The following SLC2A1 variants were observed in gnomAD, a reference collection of about 807,000 sequenced individuals.
SLC2A1 encodes the protein solute carrier family 2 member 1, also known as solute carrier family 2, facilitated glucose transporter member 1.
In SLC2A1, 4 loss-of-function variants were observed where a neutral mutation model predicts 46.6. The observed-to-expected ratio is 0.09, with a 90% confidence interval of 0.04 to 0.20. The LOEUF is 0.20. Among genes scored for constraint, SLC2A1 ranks in the 10% least tolerant of loss-of-function variants. SLC2A1 has a pLI of 1.00. For missense variants in SLC2A1, 352 were observed against 667.0 expected (o/e 0.53, Z 5.20); for synonymous variants, 253 against 270.0 (o/e 0.94, Z 0.62).
At chr1:42,951,312 A>T (rs1435520619) in intron 1 of SLC2A1, among the ~76,000 whole-genome samples, 1 of 152,186 alleles carries the variant, frequency 6.6e-6, no homozygotes, top group Non-Finnish European at 1.5e-5. Context: ...TGTGTTTCAC[A>T]TAACATGTAT....
Position 42,930,175 on chromosome 1 carries a change from GC to G in SLC2A1, c.517-141del. ...TCTAGAGGCTCTGCCACTAGCATGA[GC>G]CCTGTTTCTCAGTTTCCTCATCGGT... On this transcript the variant is annotated intron_variant, in intron 4 of 9. Transcript: ENST00000426263. The surrounding 1 kb of genome is among the most constrained non-coding windows in gnomAD (Gnocchi z 6.2). The G allele has an allele frequency of 1.1e-6, 1 of 924,362 alleles. No individual in the cohort carries two copies. Among genetic ancestry groups the G allele is most frequent in the Non-Finnish European group, 1.7e-6 (1 of 586,696 alleles). The allele number at this position is 924,362 out of a possible 1,614,324, so 57.3% of individuals were successfully genotyped here. A position where few individuals can be genotyped will look rare whatever the true frequency, so the allele number is the denominator to read the frequency against.
At chr1:42,934,998 G>A (rs1232561318) in intron 2 of SLC2A1, among the ~76,000 whole-genome samples, 1 of 152,096 alleles carries the variant, frequency 6.6e-6, no homozygotes, top group Non-Finnish European at 1.5e-5. Flanking sequence ...CACACCAAAT[G>A]TGCCAGGCTC....
chr1:42,940,353 C>T (rs1045970902), intron 2 of SLC2A1, among the ~76,000 whole-genome samples: 10 of 152,210 alleles, frequency 6.6e-5, no homozygotes, highest in Admixed American at 3.9e-4. Context: ...CAGTTCAACC[C>T]CTGGGGTACC....
chr1:42,952,591 C>T (rs545997749), intron 1 of SLC2A1: 5 of 314,618 alleles, frequency 1.6e-5, no homozygotes, highest in Non-Finnish European at 3.2e-5. Context: ...GGAGGCAAGG[C>T]GAGCCCAGAG....
chr1:42,946,386 G>A (rs1419611117), intron 1 of SLC2A1, among the ~76,000 whole-genome samples: 1 of 152,184 alleles, frequency 6.6e-6, no homozygotes, highest in Non-Finnish European at 1.5e-5. Flanking sequence ...GGATGAAACT[G>A]GACCCAGTCC....
intron 1 of SLC2A1, among the ~76,000 whole-genome samples, chr1:42,956,534 G>C (rs1026025697): frequency 4.0e-5 from 6 of 151,810 alleles, no homozygotes; most frequent in African/African-American, 1.2e-4. Context: ...GCAGGGAGTT[G>C]AGATCGCGCC....
chr1:42,945,151 T>A (rs1421956311), intron 1 of SLC2A1, among the ~76,000 whole-genome samples: 1 of 151,968 alleles, frequency 6.6e-6, no homozygotes, highest in Non-Finnish European at 1.5e-5. Context: ...GCCTGCGGTA[T>A]TACCTGCATT....
At position 42,954,571 on chromosome 1, in the gene SLC2A1, T is replaced by C. The variant is rs756012062; in HGVS notation, c.18+4063A>G. Reference sequence around the variant, plus strand: ...GCTCCATAGAACGCCTCAAATCTTTTGTGATAGCCTTATCTCGGACAAATC... The same window carrying C: ...GCTCCATAGAACGCCTCAAATCTTTCGTGATAGCCTTATCTCGGACAAATC... On this transcript the variant is annotated intron_variant, in intron 1 of 9. Coordinates refer to ENST00000426263, the MANE Select transcript of SLC2A1 (RefSeq NM_006516.4). This position sits in a 1 kb window ranked among gnomAD's most constrained non-coding sequence, Gnocchi z 4.2. Among the ~76,000 whole-genome samples, 1 of 152,164 alleles carries C rather than the reference T, an allele frequency of 6.6e-6. No homozygotes were observed. The highest frequency in any genetic ancestry group is 1.5e-5 in the Non-Finnish European group (1 of 68,030).
At position 42,951,551 on chromosome 1, in the gene SLC2A1, G is replaced by A. The variant is rs553131193; in HGVS notation, c.18+7083C>T. 4 of 299,314 alleles carry A rather than the reference G, an allele frequency of 1.3e-5. 1 individual carries two copies. The highest frequency in any genetic ancestry group is 4.3e-5 in the African/African-American group (2 of 46,514). The allele number at this position is 299,314 out of a possible 1,614,324, so 18.5% of individuals were successfully genotyped here. A position where few individuals can be genotyped will look rare whatever the true frequency, so the allele number is the denominator to read the frequency against. On this transcript the variant is annotated intron_variant, in intron 1 of 9. Transcript: ENST00000426263. Reference sequence around the variant, plus strand: ...CAACTACACAAATATTCTATTTATAGGCATGTATCTACACATGCACAAAGA... The same window carrying A: ...CAACTACACAAATATTCTATTTATAAGCATGTATCTACACATGCACAAAGA...
rs763241827 is a variant in SLC2A1 at position 42,928,982 on chromosome 1, C to T, written c.1024G>A (p.Ala342Thr). The change falls in exon 8 of 10, where the codon GCT becomes ACT. Residue 342 changes from alanine (A) to threonine (T), a missense_variant. By Grantham distance (58) the Ala-to-Thr change is moderately conservative (BLOSUM62 0). This residue lies in a region of SLC2A1 where 167 missense variants were observed against 280.8 expected (regional missense o/e 0.59). Transcript: ENST00000426263. Reference protein sequence around the residue: ...GRRTLHLIGLAGMAGCAILMT... With the variant: ...GRRTLHLIGLTGMAGCAILMT... Reference sequence around the variant, plus strand: ...AGTATGGCACAACCCGCCATGCCAGCGAGGCCTATGAGGTGCAGGGTCCGC... The same window carrying T: ...AGTATGGCACAACCCGCCATGCCAGTGAGGCCTATGAGGTGCAGGGTCCGC... The T allele has an allele frequency of 5.6e-6, 9 of 1,613,838 alleles. No individual in the cohort carries two copies. The highest frequency in any genetic ancestry group is 4.5e-5 in the East Asian group (2 of 44,902).
chr1:42,942,608 C>G (rs6657798), intron 2 of SLC2A1, among the ~76,000 whole-genome samples: 35,491 of 151,446 alleles, frequency 0.23, 4,418 homozygotes, highest in African/African-American at 0.3. Flanking sequence ...GCTTTGACTG[C>G]CACAGGGCCT....
At position 42,929,385 on chromosome 1, in the gene SLC2A1, T is replaced by TG; in HGVS notation, c.868-72dup. ...CCTTCCCTGCCTCTGTAGCAGTGGATGTGGGACCCAGGATGAGTAAAGAAT... is the reference window on the plus strand; with the variant it reads ...CCTTCCCTGCCTCTGTAGCAGTGGATGGTGGGACCCAGGATGAGTAAAGAAT... On this transcript the variant is annotated intron_variant, in intron 6 of 9. Coordinates refer to ENST00000426263, the MANE Select transcript of SLC2A1 (RefSeq NM_006516.4). This position sits in a 1 kb window ranked among gnomAD's most constrained non-coding sequence, Gnocchi z 6.0. 2 of 1,295,226 alleles carry TG rather than the reference T, an allele frequency of 1.5e-6. No homozygotes were observed. The highest frequency in any genetic ancestry group is 2.2e-6 in the Non-Finnish European group (2 of 908,286). 80.2% of individuals were successfully genotyped at this position (1,295,226 alleles called of 1,614,324 possible).
Position 42,926,857 on chromosome 1 carries a change from T to C in SLC2A1, c.*184A>G. The C allele has an allele frequency of 6.8e-7, 1 of 1,468,394 alleles. No homozygotes were observed. Among genetic ancestry groups the C allele is most frequent in the Non-Finnish European group, 9.0e-7 (1 of 1,115,556 alleles). The allele number at this position is 1,468,394 out of a possible 1,614,324, so 91.0% of individuals were successfully genotyped here. A position where few individuals can be genotyped will look rare whatever the true frequency, so the allele number is the denominator to read the frequency against. Reference sequence around the variant, plus strand: ...TAGATTTGAGCAACAGTCTTGCTTTTGTTAAAATCCTGGAGCCGTTAAGTC... The same window carrying C: ...TAGATTTGAGCAACAGTCTTGCTTTCGTTAAAATCCTGGAGCCGTTAAGTC... On this transcript the variant is annotated 3_prime_UTR_variant, in exon 10 of 10. Transcript: ENST00000426263.
chr1:42,946,643 C>T (rs1228004518), intron 1 of SLC2A1, among the ~76,000 whole-genome samples: 2 of 152,194 alleles, frequency 1.3e-5, no homozygotes, highest in African/African-American at 4.8e-5. Context: ...GGCAAGGCTA[C>T]ATTCCAGGTG....
intron 1 of SLC2A1, among the ~76,000 whole-genome samples, chr1:42,945,420 C>A (rs565983709): frequency 1.9e-3 from 286 of 151,008 alleles, no homozygotes; most frequent in Admixed American, 5.2e-3. Flanking sequence ...TTGTATGCTA[C>A]CTTTTGGGTT....
At chr1:42,952,126 C>G in intron 1 of SLC2A1, 1 of 502,520 alleles carries the variant, frequency 2.0e-6, no homozygotes, top group South Asian at 3.2e-5. Flanking sequence ...ATTCACAAGA[C>G]CAACTACTGA....
In SLC2A1 at chr1:42,929,413, A is replaced by G. The variant is rs1006074642; in HGVS notation, c.868-99T>C. The G allele has an allele frequency of 7.0e-6, 8 of 1,149,504 alleles. No homozygotes were observed. The African/African-American group carries it at 1.1e-4, about 15-fold the overall frequency. The allele number at this position is 1,149,504 out of a possible 1,614,324, so 71.2% of individuals were successfully genotyped here. ...GGGACCCAGGATGAGTAAAGAATGA[A>G]GGGGACAAATACTCAGGCAGAAGGG... is the stretch of plus-strand genomic sequence containing the variant. On this transcript the variant is annotated intron_variant, in intron 6 of 9. Transcript: ENST00000426263. This position sits in a 1 kb window ranked among gnomAD's most constrained non-coding sequence, Gnocchi z 6.0.
In SLC2A1 at chr1:42,930,387, C is replaced by T. The variant is rs959535391; in HGVS notation, c.516+239G>A. On this transcript the variant is annotated intron_variant, in intron 4 of 9. Coordinates refer to ENST00000426263, the MANE Select transcript of SLC2A1 (RefSeq NM_006516.4). The surrounding 1 kb of genome is among the most constrained non-coding windows in gnomAD (Gnocchi z 6.2). ...CAGCCTGCGGCATGTTGGGGGAAGG[C>T]GGGCCCTGTGGTTGGAAGCCTAGAG... The T allele has an allele frequency of 3.1e-5, 22 of 700,736 alleles. No individual in the cohort carries two copies. The Middle Eastern group carries it at 1.9e-3, about 60-fold the overall frequency. 43.4% of individuals were successfully genotyped at this position (700,736 alleles called of 1,614,324 possible).
At chr1:42,941,788 T>C (rs1228892172) in intron 2 of SLC2A1, among the ~76,000 whole-genome samples, 1 of 152,228 alleles carries the variant, frequency 6.6e-6, no homozygotes, top group Non-Finnish European at 1.5e-5. Context: ...AGGGAGCCAG[T>C]TCTGAAGCAC....
Sources: allele counts gnomAD v4.1 joint callset (sites outside exome capture counted in the v4.1 genomes callset), GRCh38; gene constraint gnomAD v4.1.1; regional missense constraint gnomAD v4.1.1; non-coding constraint Gnocchi (gnomAD v3.1); transcripts MANE v1.5; gene names NCBI Gene and HGNC (gene_info 2026-07-23, HGNC 2026-07-21).